FANCC: variants seen among roughly 807,000 people sequenced by gnomAD.
The protein encoded by FANCC is Fanconi anemia group C protein.
A neutral mutation model predicts 71.3 loss-of-function variants in FANCC; 55 were observed. The observed-to-expected ratio is 0.77, with a 90% confidence interval of 0.62 to 0.97. The LOEUF (loss-of-function observed/expected upper bound fraction) is 0.97, where lower values mean the gene tolerates loss of function less well. FANCC is among the 50% of genes least tolerant of loss of function. The pLI is 0.00. For synonymous variants in FANCC, 275 were observed against 244.9 expected, an observed-to-expected ratio of 1.12 and a Z score of -1.15; for missense variants, 678 against 670.9, an observed-to-expected ratio of 1.01 and a Z score of -0.12.
chr9:95,144,912 T>C (rs1829326055), intron 7 of FANCC, among the ~76,000 whole-genome samples: 3 of 152,076 alleles, frequency 2.0e-5, no homozygotes, highest in African/African-American at 7.2e-5. Context: ...AACATAACGC[T>C]CGGACTCCTC....
At chr9:95,162,085 G>A (rs1427791216) in intron 6 of FANCC, among the ~76,000 whole-genome samples, 5 of 152,120 alleles carry the variant, frequency 3.3e-5, no homozygotes, top group Middle Eastern at 3.4e-3. Flanking sequence ...CCGGTGATCC[G>A]CCTGCCTTGG....
chr9:95,168,131 T>C (rs1329881193), intron 6 of FANCC, among the ~76,000 whole-genome samples: 2 of 152,136 alleles, frequency 1.3e-5, no homozygotes, highest in Non-Finnish European at 2.9e-5. Context: ...CCGTTTGTGG[T>C]ATTGCAGATT....
chr9:95,264,561 A>G (rs1412639801), intron 1 of FANCC, among the ~76,000 whole-genome samples: 1 of 152,200 alleles, frequency 6.6e-6, no homozygotes, highest in Non-Finnish European at 1.5e-5. Context: ...CATGCCAAAT[A>G]TGGACCATAT....
At chr9:95,194,550 C>CACT (rs1394172061) in intron 4 of FANCC, among the ~76,000 whole-genome samples, 3 of 152,134 alleles carry the variant, frequency 2.0e-5, no homozygotes, top group South Asian at 2.1e-4. Context: ...TTGATAGGTG[C>CACT]GTAGTGATAG....
intron 6 of FANCC, among the ~76,000 whole-genome samples, chr9:95,156,331 T>G (rs925363575): frequency 3.3e-5 from 5 of 152,192 alleles, no homozygotes; most frequent in African/African-American, 1.2e-4. Context: ...CTGAATTTAC[T>G]AAGAATATGA....
chr9:95,109,084 A>C (rs373893972), intron 13 of FANCC, among the ~76,000 whole-genome samples: 51 of 151,900 alleles, frequency 3.4e-4, no homozygotes, highest in African/African-American at 1.0e-3. Context: ...TAATTTCTTT[A>C]TTTATTTTTT....
chr9:95,212,122 G>A (rs1828545199), intron 4 of FANCC, among the ~76,000 whole-genome samples: 1 of 152,078 alleles, frequency 6.6e-6, no homozygotes. Context: ...AATGATCTTT[G>A]GGAAAATCTC....
chr9:95,174,547 TTTC>T (rs1825895287), intron 4 of FANCC, among the ~76,000 whole-genome samples: 1 of 151,862 alleles, frequency 6.6e-6, no homozygotes, highest in Non-Finnish European at 1.5e-5. Context: ...ATATATTTTT[TTTC>T]TTCTTCTTTC....
At chr9:95,254,961 G>A (rs940855178) in intron 1 of FANCC, among the ~76,000 whole-genome samples, 2 of 152,066 alleles carry the variant, frequency 1.3e-5, no homozygotes, top group Non-Finnish European at 2.9e-5. Context: ...AAAGCCGCAG[G>A]GATGTTCGCT....
chr9:95,301,696 C>T (rs924667553), intron 1 of FANCC, among the ~76,000 whole-genome samples: 3 of 152,066 alleles, frequency 2.0e-5, no homozygotes, highest in African/African-American at 7.2e-5. Flanking sequence ...CGTGAGTTGC[C>T]ATGCCCTGCC....
intron 10 of FANCC, among the ~76,000 whole-genome samples, chr9:95,121,910 T>A (rs917018254): frequency 6.7e-6 from 1 of 150,090 alleles, no homozygotes; most frequent in African/African-American, 2.5e-5. Context: ...CAGGCTGGAG[T>A]GCAGTGGCGC....
At chr9:95,137,724 G>C (rs1827916306) in intron 7 of FANCC, among the ~76,000 whole-genome samples, 1 of 152,244 alleles carries the variant, frequency 6.6e-6, no homozygotes, top group Admixed American at 6.5e-5. Flanking sequence ...ACACATTTGG[G>C]TGTCAGAACC....
At chr9:95,105,375 GTGT>G (rs1384756027) in intron 14 of FANCC, among the ~76,000 whole-genome samples, 2 of 152,134 alleles carry the variant, frequency 1.3e-5, no homozygotes, top group East Asian at 1.9e-4. Context: ...GGCTGCACAG[GTGT>G]TGTTGGTTTG....
rs1228117459 is a variant in FANCC at position 95,100,442 on chromosome 9, C to T, written c.*1265G>A. The T allele has an allele frequency of 8.6e-6, 2 of 231,296 alleles. No homozygotes were observed. Among genetic ancestry groups the T allele is most frequent in the African/African-American group, 2.2e-5 (1 of 45,206 alleles). 14.3% of individuals were successfully genotyped at this position (231,296 alleles called of 1,614,324 possible). The stretch of plus-strand genomic sequence containing the variant: ...TAACTTCTAATCCAGCAAAACTTTG[C>T]TCATACCTCAAAACGGAGCCAAGAC... On this transcript the variant is annotated 3_prime_UTR_variant, in exon 15 of 15. Transcript: ENST00000289081.
chr9:95,315,563 T>C (rs1588459585), intron 1 of FANCC, among the ~76,000 whole-genome samples: 1 of 152,260 alleles, frequency 6.6e-6, no homozygotes, highest in Admixed American at 6.5e-5. Context: ...TTCTGCATTT[T>C]TATTAAAACA....
intron 4 of FANCC, among the ~76,000 whole-genome samples, chr9:95,187,198 G>A (rs2655486): frequency 0.01 from 1,561 of 152,196 alleles, 27 homozygotes; most frequent in African/African-American, 0.036. Flanking sequence ...AGCAGCGAGC[G>A]TTACGCACTC....
chr9:95,120,753 T>C (rs1305875417), intron 10 of FANCC, among the ~76,000 whole-genome samples: 2 of 152,242 alleles, frequency 1.3e-5, no homozygotes, highest in Non-Finnish European at 2.9e-5. Context: ...TTGTTCAATC[T>C]GACGTTTCTG....
intron 6 of FANCC, among the ~76,000 whole-genome samples, chr9:95,159,448 T>C (rs1022164617): frequency 6.6e-6 from 1 of 152,200 alleles, no homozygotes; most frequent in African/African-American, 2.4e-5. Context: ...GACATTTAGG[T>C]TCATTCCAAG....
At position 95,111,657 on chromosome 9, in the gene FANCC, C is replaced by A. The variant is rs1250994148; in HGVS notation, c.1155-20G>T. 2 of 1,614,086 alleles carry A rather than the reference C, an allele frequency of 1.2e-6. No individual in the cohort carries two copies. The highest frequency in any genetic ancestry group is 1.7e-6 in the Non-Finnish European group (2 of 1,179,998). On this transcript the variant is annotated intron_variant, in intron 12 of 14. Coordinates refer to ENST00000289081, the MANE Select transcript of FANCC (RefSeq NM_000136.3). ...CAGGACCTGGAACAGAGGCAGAACACATGGCAGTTGACAACCTAAATTCTT... is the reference window on the plus strand; with the variant it reads ...CAGGACCTGGAACAGAGGCAGAACAAATGGCAGTTGACAACCTAAATTCTT...
Sources: gnomAD v4.1 joint callset for allele counts (sites outside exome capture counted in the v4.1 genomes callset) on GRCh38, gnomAD v4.1.1 for gene constraint, MANE v1.5 for transcripts, NCBI Gene and HGNC (gene_info 2026-07-23, HGNC 2026-07-21) for gene names.